The following TTC29 variants were observed in gnomAD, a reference collection of about 807,000 sequenced individuals.
The protein encoded by TTC29 is tetratricopeptide repeat protein 29.
A neutral mutation model predicts 58.1 loss-of-function variants in TTC29; 49 were observed. The observed-to-expected ratio is 0.84, with a 90% CI of 0.67 to 1.07. The LOEUF (loss-of-function observed/expected upper bound fraction) is 1.07, where lower values mean the gene tolerates loss of function less well. Among genes scored for constraint, TTC29 ranks in the 50% least tolerant of loss-of-function variants. The pLI is 0.00. For synonymous variants in TTC29, 209 were observed against 196.8 expected (o/e 1.06, Z -0.52); for missense variants, 582 against 555.6 (o/e 1.05, Z -0.48).
At chr4:146,757,472 G>A (rs577716237) in intron 11 of TTC29, among the ~76,000 whole-genome samples, 1 of 152,120 alleles carries the variant, frequency 6.6e-6, no homozygotes, top group Non-Finnish European at 1.5e-5. Context: ...AAGAACACCT[G>A]GGAAATTCAT....
chr4:146,838,545 A>C (rs968139131), intron 8 of TTC29, among the ~76,000 whole-genome samples: 2 of 151,984 alleles, frequency 1.3e-5, no homozygotes, highest in Non-Finnish European at 2.9e-5. Context: ...AGACATTATT[A>C]GGTCTAATAA....
At chr4:146,778,431 A>G (rs1748278959) in intron 11 of TTC29, among the ~76,000 whole-genome samples, 1 of 152,140 alleles carries the variant, frequency 6.6e-6, no homozygotes, top group South Asian at 2.1e-4. Flanking sequence ...TGTTGAAATT[A>G]ACATAATCAC....
intron 11 of TTC29, among the ~76,000 whole-genome samples, chr4:146,763,426 G>T (rs575443054): frequency 1.2e-4 from 19 of 152,106 alleles, no homozygotes; most frequent in Admixed American, 9.2e-4. Flanking sequence ...CTGCATGGTG[G>T]TTATAGATCT....
chr4:146,935,487 A>T (rs1418935813), intron 4 of TTC29, among the ~76,000 whole-genome samples: 4 of 152,204 alleles, frequency 2.6e-5, no homozygotes, highest in Non-Finnish European at 5.9e-5. Flanking sequence ...TATACTGAAG[A>T]TCTATGACTA....
At chr4:146,943,431 G>GA (rs991812696) in intron 2 of TTC29, among the ~76,000 whole-genome samples, 123 of 146,898 alleles carry the variant, frequency 8.4e-4, no homozygotes, top group African/African-American at 2.7e-3. Flanking sequence ...TGATAAAGTG[G>GA]AAAAAAAAAA....
At chr4:146,906,577 G>T (rs973248389) in intron 5 of TTC29, among the ~76,000 whole-genome samples, 2 of 152,148 alleles carry the variant, frequency 1.3e-5, no homozygotes, top group Non-Finnish European at 2.9e-5. Context: ...AAGAGTGAAT[G>T]TGCATATCTC....
chr4:146,730,232 A>G (rs879519654), intron 11 of TTC29, among the ~76,000 whole-genome samples: 1 of 152,078 alleles, frequency 6.6e-6, no homozygotes, highest in East Asian at 1.9e-4. Flanking sequence ...CACAGCCATA[A>G]AAAAGAAGGA....
At chr4:146,710,278 C>T (rs1579496178) in intron 11 of TTC29, among the ~76,000 whole-genome samples, 1 of 152,052 alleles carries the variant, frequency 6.6e-6, no homozygotes, top group East Asian at 1.9e-4. Flanking sequence ...CGGCACATTA[C>T]TATAGTGAAT....
rs115235586 is a variant in TTC29, at chr4:146,898,485, C to T, written c.586+5059G>A. Among the ~76,000 whole-genome samples, 1,316 of 152,288 alleles carry T rather than the reference C, an allele frequency of 8.6e-3. 18 individuals carry two copies. The highest frequency in any genetic ancestry group is 0.03 in the African/African-American group (1,265 of 41,554). On this transcript the variant is annotated intron_variant, in intron 6 of 12. Transcript: ENST00000325106. ...AGCTGTTTCTTTCTTCAGAAGTCCC[C>T]CAGTCATTGGAAGAACTTGGAATTA...
At chr4:146,881,387 A>G (rs1731614312) in intron 6 of TTC29, among the ~76,000 whole-genome samples, 1 of 152,136 alleles carries the variant, frequency 6.6e-6, no homozygotes, top group Admixed American at 6.6e-5. Flanking sequence ...ACATTTGCTG[A>G]AGACTTTAGG....
intron 8 of TTC29, among the ~76,000 whole-genome samples, chr4:146,856,279 G>A (rs892870079): frequency 6.6e-6 from 1 of 151,958 alleles, no homozygotes; most frequent in African/African-American, 2.4e-5. Context: ...CTTCAGCTTT[G>A]TAAAGAGCTA....
In TTC29 at chr4:146,707,162, G is replaced by A; in HGVS notation, c.1424C>T (p.Thr475Ile). Residue 475 changes from threonine (T) to isoleucine (I), a missense_variant, in exon 13 of 13, where the codon ACT becomes ATT. Transcript: ENST00000325106. The part of the protein sequence containing the change: ...SRFPGDQKNE[T>I] Reference sequence around the variant, plus strand: ...GATGTTAAGTGAAAAGCTGCTTTAAGTTTCATTTTTTTGATCACCTGGAAA... The same window carrying A: ...GATGTTAAGTGAAAAGCTGCTTTAAATTTCATTTTTTTGATCACCTGGAAA... 1.3e-6 allele frequency: 2 copies of A among 1,527,726 alleles called. No individual in the cohort carries two copies. The highest frequency in any genetic ancestry group is 1.8e-6 in the Non-Finnish European group (2 of 1,134,748). 94.6% of individuals were successfully genotyped at this position (1,527,726 alleles called of 1,614,324 possible).
At chr4:146,874,483 C>A (rs949011386) in intron 7 of TTC29, among the ~76,000 whole-genome samples, 2 of 152,094 alleles carry the variant, frequency 1.3e-5, no homozygotes, top group African/African-American at 4.8e-5. Context: ...CAACACTACC[C>A]CCAGCGGATT....
chr4:146,923,311 G>A (rs1056432887), intron 4 of TTC29, among the ~76,000 whole-genome samples: 3 of 151,542 alleles, frequency 2.0e-5, no homozygotes, highest in Non-Finnish European at 4.4e-5. Flanking sequence ...TTATTATTTA[G>A]ATACAAAAAT....
At chr4:146,790,252 G>A (rs550508826) in intron 11 of TTC29, among the ~76,000 whole-genome samples, 6 of 150,816 alleles carry the variant, frequency 4.0e-5, no homozygotes, top group South Asian at 4.2e-4. Context: ...GCAGTGGCGC[G>A]ATCTCGGCTC....
intron 11 of TTC29, among the ~76,000 whole-genome samples, chr4:146,732,808 G>A (rs1744437800): frequency 6.6e-6 from 1 of 152,142 alleles, no homozygotes; most frequent in Non-Finnish European, 1.5e-5. Context: ...AGCCAAAAGA[G>A]GAAGAGGAAT....
At chr4:146,754,059 C>CA (rs1262467881) in intron 11 of TTC29, among the ~76,000 whole-genome samples, 6 of 148,858 alleles carry the variant, frequency 4.0e-5, no homozygotes, top group African/African-American at 1.2e-4. Context: ...TATAATAATA[C>CA]AAAAAAATAA....
chr4:146,801,540 A>T (rs1305647521), intron 11 of TTC29, among the ~76,000 whole-genome samples: 1 of 152,152 alleles, frequency 6.6e-6, no homozygotes, highest in Non-Finnish European at 1.5e-5. Flanking sequence ...TCTACCATAC[A>T]AATAGCTGTT....
At chr4:146,788,634 T>G (rs531475818) in intron 11 of TTC29, among the ~76,000 whole-genome samples, 1 of 151,878 alleles carries the variant, frequency 6.6e-6, no homozygotes, top group South Asian at 2.1e-4. Flanking sequence ...CTAGAATGCA[T>G]CTAAATAGAA....
Sources: gnomAD v4.1 joint callset for allele counts (sites outside exome capture counted in the v4.1 genomes callset) on GRCh38, gnomAD v4.1.1 for gene constraint, MANE v1.5 for transcripts, NCBI Gene and HGNC (gene_info 2026-07-23, HGNC 2026-07-21) for gene names.